Variants in ASIC2 observed in about 807,000 individuals in gnomAD.
ASIC2 encodes acid sensing ion channel subunit 2.
A neutral mutation model predicts 57.3 loss-of-function variants in ASIC2; 25 were observed. The ratio of observed to expected loss-of-function variants is 0.44; its 90% CI spans 0.32 to 0.61. ASIC2 has a LOEUF of 0.61. ASIC2 is among the 20% of genes least tolerant of loss of function. The pLI, the probability that ASIC2 is intolerant of heterozygous loss-of-function variation, is 0.06. For missense variants in ASIC2, 641 were observed against 738.1 expected (o/e 0.87, Z 1.52); for synonymous variants, 319 against 307.5 (o/e 1.04, Z -0.39).
chr17:34,082,264 A>G, intron 1 of ASIC2: 1 of 152,174 alleles, frequency 6.6e-6, no homozygotes, highest in Admixed American at 6.5e-5. Context: ...AGAGTCATGG[A>G]AGTCAGTGAT....
At chr17:34,075,370 A>G (rs1390124705) in intron 1 of ASIC2, among the ~76,000 whole-genome samples, 2 of 152,200 alleles carry the variant, frequency 1.3e-5, no homozygotes, top group Admixed American at 6.5e-5. Context: ...GTGGCCATGG[A>G]TAAGTCACTG....
intron 1 of ASIC2, among the ~76,000 whole-genome samples, chr17:33,789,144 A>G (rs1003615497): frequency 1.3e-5 from 2 of 152,204 alleles, no homozygotes; most frequent in East Asian, 1.9e-4. Flanking sequence ...AGGCCTTCCC[A>G]GAAGTCAAAC....
chr17:33,376,046 A>G (rs2141942391), intron 1 of ASIC2, among the ~76,000 whole-genome samples: 1 of 152,262 alleles, frequency 6.6e-6, no homozygotes, highest in South Asian at 2.1e-4. Context: ...TGTGTGGACT[A>G]AATATATAAA....
intron 1 of ASIC2, among the ~76,000 whole-genome samples, chr17:34,035,368 T>C (rs942649692): frequency 3.4e-5 from 5 of 145,714 alleles, no homozygotes; most frequent in East Asian, 2.0e-4. Flanking sequence ...TTACACCTTA[T>C]ACAAAAATCA....
At chr17:33,034,434 C>A (rs2091900220) in intron 3 of ASIC2, among the ~76,000 whole-genome samples, 1 of 152,246 alleles carries the variant, frequency 6.6e-6, no homozygotes, top group East Asian at 1.9e-4. Context: ...GAGTTCAAGG[C>A]TACAGTGAGC....
At chr17:33,768,011 A>ATTT (rs879481244) in intron 1 of ASIC2, among the ~76,000 whole-genome samples, 1 of 144,930 alleles carries the variant, frequency 6.9e-6, no homozygotes. Flanking sequence ...TACATACACA[A>ATTT]TTTTTTTTTT....
In ASIC2 at chr17:33,453,577, G is replaced by C. The variant is rs183749457; in HGVS notation, c.556-341510C>G. ...TTTTACAATTTTATATTTTCCCCTT[G>C]GTTTATGAGGACAATCATAGATTAT... is the stretch of plus-strand genomic sequence containing the variant. On this transcript the variant is annotated intron_variant, in intron 1 of 9. Transcript: ENST00000359872. Among the ~76,000 whole-genome samples, 26 of 152,154 alleles carry C rather than the reference G, an allele frequency of 1.7e-4. No individual in the cohort carries two copies. The East Asian group carries it at 3.7e-3, about 21-fold the overall frequency.
At chr17:34,037,428 G>A (rs1214292766) in intron 1 of ASIC2, 7 of 554,912 alleles carry the variant, frequency 1.3e-5, no homozygotes, top group South Asian at 5.3e-5. Flanking sequence ...AGGCCTGGCC[G>A]GAGCTGCCCA....
intron 1 of ASIC2, among the ~76,000 whole-genome samples, chr17:33,554,493 A>G (rs1915845331): frequency 6.6e-6 from 1 of 152,076 alleles, no homozygotes; most frequent in African/African-American, 2.4e-5. Flanking sequence ...GGCTTAGGGG[A>G]AGGGGTATTT....
chr17:34,088,202 T>G (rs1221893234), intron 1 of ASIC2, among the ~76,000 whole-genome samples: 5 of 152,058 alleles, frequency 3.3e-5, no homozygotes, highest in African/African-American at 4.8e-5. Context: ...ATGATGGTGA[T>G]GTACAGATGG....
intron 1 of ASIC2, among the ~76,000 whole-genome samples, chr17:33,464,277 C>G (rs750604899): frequency 3.9e-5 from 6 of 152,192 alleles, no homozygotes; most frequent in Non-Finnish European, 5.9e-5. Context: ...AAGCCTCTCA[C>G]TAGTCCCAGG....
chr17:33,919,418 AG>A (rs1915660817), intron 1 of ASIC2, among the ~76,000 whole-genome samples: 1 of 152,264 alleles, frequency 6.6e-6, no homozygotes, highest in Admixed American at 6.5e-5. Context: ...CAACGGGGAA[AG>A]GACCTTTTAT....
rs1022869095 is a variant in ASIC2, at chr17:33,672,116, C to A, written c.555+483862G>T. 1.1e-4 allele frequency among the ~76,000 whole-genome samples: 17 copies of A among 152,188 alleles called. No homozygotes were observed. The South Asian group carries it at 1.5e-3, about 13-fold the overall frequency. On this transcript the variant is annotated intron_variant, in intron 1 of 9. Transcript: ENST00000359872. Reference sequence around the variant, plus strand: ...GAAAAATAAACCTCCCGGTTCTTAACCCTTGGCAGTCATTTTTCTTATACC... The same window carrying A: ...GAAAAATAAACCTCCCGGTTCTTAAACCTTGGCAGTCATTTTTCTTATACC...
chr17:33,975,686 C>G (rs1905361674), intron 1 of ASIC2, among the ~76,000 whole-genome samples: 1 of 152,060 alleles, frequency 6.6e-6, no homozygotes, highest in African/African-American at 2.4e-5. Context: ...CTGTTCTGGT[C>G]CCATCAATAA....
intron 1 of ASIC2, among the ~76,000 whole-genome samples, chr17:33,749,801 C>T (rs557468596): frequency 3.3e-4 from 50 of 152,268 alleles, no homozygotes; most frequent in Non-Finnish European, 5.9e-4. Context: ...TTTCTAAGTC[C>T]GTCCAAAGCC....
intron 1 of ASIC2, among the ~76,000 whole-genome samples, chr17:33,436,127 T>C (rs1911599037): frequency 6.6e-6 from 1 of 152,280 alleles, no homozygotes; most frequent in South Asian, 2.1e-4. Context: ...TCTTCACTCA[T>C]GCCTGGGCAT....
At chr17:33,618,143 C>CCT (rs1905666148) in intron 1 of ASIC2, among the ~76,000 whole-genome samples, 1 of 151,946 alleles carries the variant, frequency 6.6e-6, no homozygotes, top group Non-Finnish European at 1.5e-5. Context: ...AAGCCACTGT[C>CCT]GAATCCATAT....
intron 1 of ASIC2, among the ~76,000 whole-genome samples, chr17:34,122,561 CA>C (rs766868215): frequency 5.3e-5 from 8 of 152,212 alleles, no homozygotes; most frequent in Non-Finnish European, 1.2e-4. Context: ...GTGTCTGTGT[CA>C]GGGGAGGAGA....
At chr17:33,412,766 G>A (rs567221745) in intron 1 of ASIC2, among the ~76,000 whole-genome samples, 6 of 152,152 alleles carry the variant, frequency 3.9e-5, no homozygotes, top group African/African-American at 1.2e-4. Context: ...TGGGAGAGAC[G>A]TTGGTGCCCT....
Sources: allele counts gnomAD v4.1 joint callset (sites outside exome capture counted in the v4.1 genomes callset), GRCh38; gene constraint gnomAD v4.1.1; transcripts MANE v1.5; gene names NCBI Gene and HGNC (gene_info 2026-07-23, HGNC 2026-07-21).